Variants in LRRC2 observed in about 807,000 individuals in gnomAD.
LRRC2 encodes the protein leucine-rich repeat-containing protein 2.
LRRC2 carries 27 observed loss-of-function variants against 40.2 expected under a neutral mutation model. The observed-to-expected ratio is 0.67, with a 90% CI of 0.49 to 0.93. LRRC2 has a LOEUF of 0.93. Among genes scored for constraint, LRRC2 ranks in the 40% least tolerant of loss-of-function variants. The pLI is 0.00. For synonymous variants in LRRC2, 147 were observed against 158.9 expected (o/e 0.92, Z 0.56); for missense variants, 402 against 439.6 (o/e 0.91, Z 0.76).
At chr3:46,548,413 T>A (rs955052908) in intron 2 of LRRC2, among the ~76,000 whole-genome samples, 8 of 152,226 alleles carry the variant, frequency 5.3e-5, no homozygotes, top group African/African-American at 1.7e-4. Flanking sequence ...ACTATTTTTT[T>A]AATTCCATTC....
At chr3:46,549,634 T>A (rs899347401) in intron 2 of LRRC2, among the ~76,000 whole-genome samples, 1 of 152,176 alleles carries the variant, frequency 6.6e-6, no homozygotes. Context: ...ATGAGATGCG[T>A]GAAGCTGTTT....
intron 3 of LRRC2, among the ~76,000 whole-genome samples, chr3:46,544,348 G>A (rs908165180): frequency 5.9e-5 from 9 of 152,110 alleles, no homozygotes; most frequent in African/African-American, 4.8e-5. Flanking sequence ...GTGAAACCCC[G>A]TCTCTACTAA....
At chr3:46,537,167 C>T (rs1486054671) in intron 4 of LRRC2, among the ~76,000 whole-genome samples, 1 of 152,128 alleles carries the variant, frequency 6.6e-6, no homozygotes, top group East Asian at 1.9e-4. Context: ...ACCCTGTCAC[C>T]CAGGCTGGAG....
chr3:46,542,136 C>T (rs1454739776), intron 3 of LRRC2, among the ~76,000 whole-genome samples: 2 of 152,014 alleles, frequency 1.3e-5, no homozygotes, highest in African/African-American at 2.4e-5. Flanking sequence ...TCTGGACAAC[C>T]CAGTGTCTCC....
intron 2 of LRRC2, among the ~76,000 whole-genome samples, chr3:46,548,021 A>G (rs1198860504): frequency 6.6e-6 from 1 of 152,206 alleles, no homozygotes; most frequent in East Asian, 1.9e-4. Context: ...CAGCACAGCC[A>G]CTGCAAGTTC....
At chr3:46,538,524 C>G (rs940135716) in intron 4 of LRRC2, among the ~76,000 whole-genome samples, 1 of 151,876 alleles carries the variant, frequency 6.6e-6, no homozygotes, top group African/African-American at 2.4e-5. Flanking sequence ...ACCCTAGCTA[C>G]TTGGGAGGCT....
At position 46,566,181 on chromosome 3, in the gene LRRC2, C is replaced by A. The variant is rs1705058664; in HGVS notation, c.-24G>T. The A allele has an allele frequency of 6.6e-6, 1 of 152,300 alleles. No individual in the cohort carries two copies. Among genetic ancestry groups the A allele is most frequent in the Non-Finnish European group, 1.5e-5 (1 of 68,092 alleles). The allele number at this position is 152,300 out of a possible 1,614,324, so 9.4% of individuals were successfully genotyped here. A position where few individuals can be genotyped will look rare whatever the true frequency, so the allele number is the denominator to read the frequency against. On this transcript the variant is annotated 5_prime_UTR_variant, in exon 1 of 9. Transcript: ENST00000395905. Reference sequence around the variant, plus strand: ...CCTCGGACGCCCAGCGCTTACCTGCCCCGAGGGGCGGGCACTGACAGTCCT... The same window carrying A: ...CCTCGGACGCCCAGCGCTTACCTGCACCGAGGGGCGGGCACTGACAGTCCT...
At chr3:46,532,968 A>G in intron 4 of LRRC2, 59 bp from the exon 5 acceptor site, 2 of 1,554,136 alleles carry the variant, frequency 1.3e-6, no homozygotes, top group South Asian at 1.2e-5. Flanking sequence ...TTTAAGAACA[A>G]AAAGCAAAAC....
intron 3 of LRRC2, among the ~76,000 whole-genome samples, chr3:46,542,303 G>C (rs780303071): frequency 1.3e-5 from 2 of 151,256 alleles, no homozygotes; most frequent in Non-Finnish European, 2.9e-5. Flanking sequence ...TTCAAGACCA[G>C]CCCAGACCAC....
At chr3:46,561,439 G>C (rs960239035) in intron 1 of LRRC2, among the ~76,000 whole-genome samples, 6 of 152,134 alleles carry the variant, frequency 3.9e-5, no homozygotes, top group Non-Finnish European at 8.8e-5. Context: ...TGTGGTCCCA[G>C]CTACTAAGGA....
chr3:46,547,688 T>TAA (rs1315147943), intron 2 of LRRC2, among the ~76,000 whole-genome samples: 1 of 105,658 alleles, frequency 9.5e-6, no homozygotes, highest in African/African-American at 3.7e-5. Context: ...AATATATATA[T>TAA]AACATATGTG....
Position 46,521,548 on chromosome 3 carries a change from G to A in LRRC2, c.1040C>T (p.Ala347Val). 1 of 1,610,766 alleles carries A rather than the reference G, an allele frequency of 6.2e-7. No homozygotes were observed. Among genetic ancestry groups the A allele is most frequent in the Non-Finnish European group, 8.5e-7 (1 of 1,178,564 alleles). The change falls in exon 8 of 9, where the codon GCC becomes GTC. Residue 347 changes from alanine (A) to valine (V), a missense_variant. Ala to Val is a moderately conservative substitution (Grantham distance 64). Coordinates refer to ENST00000395905, the MANE Select transcript of LRRC2 (RefSeq NM_024512.5). ...RQHFDKEVMK[A>V]YIEDLKERES... is the part of the protein sequence containing the mutation. The stretch of plus-strand genomic sequence containing the variant: ...TCTTTCTTTAAGGTCTTCAATATAG[G>A]CTTTCATAACTTCTTTATCAAAATG...
At chr3:46,541,982 T>C (rs1704404429) in intron 3 of LRRC2, among the ~76,000 whole-genome samples, 1 of 151,894 alleles carries the variant, frequency 6.6e-6, no homozygotes, top group Non-Finnish European at 1.5e-5. Flanking sequence ...TCCAGACAAA[T>C]CATGAATGTG....
At position 46,525,053 on chromosome 3, in the gene LRRC2, C is replaced by T. The variant is rs1027222815; in HGVS notation, c.929+2373G>A. On this transcript the variant is annotated intron_variant, in intron 7 of 8. Transcript: ENST00000395905. Reference sequence around the variant, plus strand: ...CCAGCATTGCATCATTTTGAGGTCACCCCTTCTAAATGTACTGTAATTCTT... The same window carrying T: ...CCAGCATTGCATCATTTTGAGGTCATCCCTTCTAAATGTACTGTAATTCTT... Among the ~76,000 whole-genome samples the T allele has an allele frequency of 2.6e-5, 4 of 151,666 alleles. No homozygotes were observed. In the East Asian group the frequency reaches 7.7e-4, roughly 29 times the overall value.
At chr3:46,519,195 A>C (rs1476421066) in intron 8 of LRRC2, 132 bp from the exon 9 acceptor site, 1 of 725,762 alleles carries the variant, frequency 1.4e-6, no homozygotes, top group Non-Finnish European at 2.5e-6. Flanking sequence ...AAGTATAGAG[A>C]TACTGTATAG....
rs769002880 is a variant in LRRC2, at chr3:46,532,755, G to A, written c.627+18C>T. ...CCAAATAAAAGTGAATCGTAGTACA[G>A]AAATGTTTATCTCTTACTTCAAAGG... On this transcript the variant is annotated intron_variant, in intron 5 of 8. Transcript: ENST00000395905. 3.7e-6 allele frequency: 6 copies of A among 1,610,058 alleles called. No individual in the cohort carries two copies. Among genetic ancestry groups the A allele is most frequent in the Non-Finnish European group, 5.1e-6 (6 of 1,178,268 alleles).
intron 7 of LRRC2, among the ~76,000 whole-genome samples, chr3:46,523,960 A>G (rs1331302336): frequency 6.6e-6 from 1 of 152,194 alleles, no homozygotes; most frequent in Non-Finnish European, 1.5e-5. Flanking sequence ...TACTATACAC[A>G]TTCTGATGTG....
chr3:46,524,227 C>T (rs1468096366), intron 7 of LRRC2, among the ~76,000 whole-genome samples: 5 of 152,250 alleles, frequency 3.3e-5, no homozygotes, highest in East Asian at 3.9e-4. Context: ...GCCAAGGTAC[C>T]GGCCTCACTG....
chr3:46,557,391 C>A (rs1468800859), intron 1 of LRRC2: 1 of 152,186 alleles, frequency 6.6e-6, no homozygotes, highest in Non-Finnish European at 1.5e-5. Flanking sequence ...TCCCTATCTC[C>A]CTTCGCTGAC....
Sources: gnomAD v4.1 joint callset for allele counts (sites outside exome capture counted in the v4.1 genomes callset) on GRCh38, gnomAD v4.1.1 for gene constraint, MANE v1.5 for transcripts, NCBI Gene and HGNC (gene_info 2026-07-23, HGNC 2026-07-21) for gene names.